The following MIS18BP1 variants were observed in gnomAD, a reference collection of about 807,000 sequenced individuals.
The protein encoded by MIS18BP1 is MIS18 binding protein 1.
MIS18BP1 carries 72 observed loss-of-function variants against 116.1 expected under a neutral mutation model. The observed-to-expected ratio is 0.62, with a 90% CI of 0.51 to 0.75. The LOEUF (loss-of-function observed/expected upper bound fraction) is 0.75. Among genes scored for constraint, MIS18BP1 ranks in the 30% least tolerant of loss-of-function variants. The pLI, the probability that MIS18BP1 is intolerant of heterozygous loss-of-function variation, is 0.00. For missense variants in MIS18BP1, 1,363 were observed against 1,303.2 expected (o/e 1.05, Z -0.71); for synonymous variants, 386 against 427.0 (o/e 0.90, Z 1.18).
At chr14:45,231,403 C>T (rs1012044888) in intron 7 of MIS18BP1, 105 bp from the exon 8 acceptor site, 5 of 982,732 alleles carry the variant, frequency 5.1e-6, no homozygotes, top group African/African-American at 1.7e-5. Context: ...AAGCTCTTTC[C>T]ACCCAGGCAG....
At chr14:45,212,791 C>T (rs568225601) in intron 13 of MIS18BP1, among the ~76,000 whole-genome samples, 58 of 152,318 alleles carry the variant, frequency 3.8e-4, no homozygotes, top group Admixed American at 1.2e-3. Flanking sequence ...AGTGCTAGCA[C>T]GCCACTGGGC....
At chr14:45,227,627 T>C in intron 9 of MIS18BP1, 36 bp downstream of exon 9, 1 of 1,560,506 alleles carries the variant, frequency 6.4e-7, no homozygotes, top group South Asian at 1.2e-5. Context: ...CTTCTAAATA[T>C]CAACTTGAAC....
intron 14 of MIS18BP1, among the ~76,000 whole-genome samples, chr14:45,207,850 T>C (rs556296796): frequency 6.8e-6 from 1 of 147,736 alleles, no homozygotes; most frequent in African/African-American, 2.4e-5. Context: ...AAGAAAATCA[T>C]TTTTTTAAGA....
In MIS18BP1 at chr14:45,204,060, A is replaced by C. The variant is rs1463507311; in HGVS notation, c.*49T>G. ...ATGTACTCCAGTTGAAAATACAAAC[A>C]CTGTCTGCTTTATGGTAAAAATCCC... On this transcript the variant is annotated 3_prime_UTR_variant, in exon 17 of 17. Transcript: ENST00000310806. 1.3e-6 allele frequency: 2 copies of C among 1,582,362 alleles called. No homozygotes were observed. The highest frequency in any genetic ancestry group is 4.5e-5 in the East Asian group (2 of 44,114).
rs1890508366 is a variant in MIS18BP1, at chr14:45,206,095, G to A, written c.3228C>T (p.Ile1076=). The part of the protein sequence containing the change: ...KSNGGIVWGN[I]KKKLVETDFS... ...GAAAAATACTTACTAATTTTTTCTT[G>A]ATGTTGCCCCAGACAATACCACCAT... The change falls in exon 15 of 17, where the codon ATC becomes ATT. Residue 1076 remains isoleucine (I), a synonymous_variant. Transcript: ENST00000310806. 1.3e-6 allele frequency: 2 copies of A among 1,595,148 alleles called. No homozygotes were observed. The highest frequency in any genetic ancestry group is 1.7e-6 in the Non-Finnish European group (2 of 1,167,076).
At chr14:45,242,692 A>C in intron 3 of MIS18BP1, 69 bp downstream of exon 3, 1 of 1,477,086 alleles carries the variant, frequency 6.8e-7, no homozygotes, top group Admixed American at 2.1e-5. Flanking sequence ...CACACAAGGA[A>C]AGTAATTACC....
At chr14:45,215,302 A>C (rs1377192864) in intron 13 of MIS18BP1, among the ~76,000 whole-genome samples, 1 of 152,210 alleles carries the variant, frequency 6.6e-6, no homozygotes, top group Non-Finnish European at 1.5e-5. Flanking sequence ...AGATAATTTT[A>C]TGACAAGAAA....
chr14:45,243,089 G>C (rs1891629553), intron 2 of MIS18BP1, among the ~76,000 whole-genome samples: 1 of 152,028 alleles, frequency 6.6e-6, no homozygotes, highest in Non-Finnish European at 1.5e-5. Context: ...CAACATTACG[G>C]TGAGGAAGAA....
At chr14:45,221,495 C>G (rs904230209) in intron 11 of MIS18BP1, among the ~76,000 whole-genome samples, 1 of 152,030 alleles carries the variant, frequency 6.6e-6, no homozygotes, top group Non-Finnish European at 1.5e-5. Flanking sequence ...TCCTTTAAGT[C>G]TTCTTCTTTG....
At chr14:45,236,119 G>A (rs562323846) in intron 5 of MIS18BP1, among the ~76,000 whole-genome samples, 175 bp from the exon 6 acceptor site, 11 of 152,280 alleles carry the variant, frequency 7.2e-5, no homozygotes, top group Non-Finnish European at 1.5e-4. Context: ...GTAATCCTCA[G>A]ATTATGTACC....
At chr14:45,212,250 C>T (rs953480761) in intron 13 of MIS18BP1, among the ~76,000 whole-genome samples, 4 of 152,162 alleles carry the variant, frequency 2.6e-5, no homozygotes, top group Non-Finnish European at 5.9e-5. Flanking sequence ...CTCTCTCTCT[C>T]TTCCTCCATC....
chr14:45,241,828 C>T, intron 4 of MIS18BP1: 1 of 530,194 alleles, frequency 1.9e-6, no homozygotes, highest in Non-Finnish European at 3.2e-6. Flanking sequence ...TGTGGGTCTT[C>T]TTACATTCAA....
chr14:45,219,954 G>A (rs1211056012), intron 11 of MIS18BP1, among the ~76,000 whole-genome samples: 6 of 152,104 alleles, frequency 3.9e-5, no homozygotes, highest in Non-Finnish European at 8.8e-5. Flanking sequence ...ATCACACCAT[G>A]TTTAAAACTT....
chr14:45,242,353 G>A lies in MIS18BP1; in HGVS notation c.824C>T (p.Ser275Phe), dbSNP rs751114040. The A allele has an allele frequency of 1.9e-6, 3 of 1,614,032 alleles. No homozygotes were observed. In the South Asian group the frequency reaches 3.3e-5, roughly 18 times the overall value. Residue 275 changes from serine (S) to phenylalanine (F), a missense_variant, in exon 4 of 17, where the codon TCT becomes TTT. Physicochemically the swap from Ser to Phe is radical, Grantham distance 155 (BLOSUM62 -2). Coordinates refer to ENST00000310806, the MANE Select transcript of MIS18BP1 (RefSeq NM_018353.5). ...AGTATTTTGAAATTGTTCATCAGCA[G>A]AATCAACGCTTTCTAAAACAAACGT... ...KDTFVLESVD[S>F]ADEQFQNTNA... is the part of the protein sequence containing the mutation.
intron 1 of MIS18BP1, among the ~76,000 whole-genome samples, chr14:45,252,668 A>G (rs1224766278): frequency 1.3e-5 from 2 of 152,180 alleles, no homozygotes; most frequent in African/African-American, 4.8e-5. Context: ...AGAAGAAAAC[A>G]TAAGCTGAAT....
In MIS18BP1 at chr14:45,237,580, G is replaced by A. The variant is rs900467375; in HGVS notation, c.1217+68C>T. 1.1e-5 allele frequency: 16 copies of A among 1,509,474 alleles called. No individual in the cohort carries two copies. In the African/African-American group the frequency reaches 2.0e-4, roughly 19 times the overall value. 93.5% of individuals were successfully genotyped at this position (1,509,474 alleles called of 1,614,324 possible). A position where few individuals can be genotyped will look rare whatever the true frequency, so the allele number is the denominator to read the frequency against. On this transcript the variant is annotated intron_variant, in intron 5 of 16. Coordinates refer to ENST00000310806, the MANE Select transcript of MIS18BP1 (RefSeq NM_018353.5). ...CTTTGTGGAGGATGCTATTTCTCAT[G>A]CATTAACTCTTAAGTGCTTACACAT...
chr14:45,250,841 T>C (rs920085690), intron 1 of MIS18BP1, among the ~76,000 whole-genome samples: 1 of 152,020 alleles, frequency 6.6e-6, no homozygotes, highest in East Asian at 1.9e-4. Flanking sequence ...ATGGAGACCA[T>C]CCTGTCTAAC....
intron 8 of MIS18BP1, among the ~76,000 whole-genome samples, chr14:45,230,025 G>A (rs201267479): frequency 6.6e-6 from 1 of 152,186 alleles, no homozygotes; most frequent in South Asian, 2.1e-4. Context: ...AAGGGTGGAA[G>A]TTCAAATGCG....
In MIS18BP1 at chr14:45,224,171, T is replaced by C. The variant is rs1891055019; in HGVS notation, c.2416A>G (p.Ser806Gly). The C allele has an allele frequency of 2.5e-6, 4 of 1,613,928 alleles. No individual in the cohort carries two copies. The highest frequency in any genetic ancestry group is 1.1e-5 in the South Asian group (1 of 91,082). The change falls in exon 11 of 17, where the codon AGC (serine) becomes GGC (glycine). Residue 806 changes from serine (S) to glycine (G), a missense_variant. Ser to Gly is a moderately conservative substitution (Grantham distance 56). Transcript: ENST00000310806. ...TKEAVVHLRK[S>G]TRNTSNIPVI... The stretch of plus-strand genomic sequence containing the variant: ...GGAATATTACTTGTGTTTCTTGTGC[T>C]CTTTCTCAGGTGAACCACTGCTTCT...
Sources: allele counts gnomAD v4.1 joint callset (sites outside exome capture counted in the v4.1 genomes callset), GRCh38; gene constraint gnomAD v4.1.1; transcripts MANE v1.5; gene names NCBI Gene and HGNC (gene_info 2026-07-23, HGNC 2026-07-21).